Variants in CCDC102B observed in about 807,000 individuals in gnomAD.
CCDC102B encodes coiled-coil domain containing 102B.
Under a neutral mutation model 57.4 loss-of-function variants are expected in CCDC102B, and 75 were observed. The ratio of observed to expected loss-of-function variants is 1.31; its 90% confidence interval spans 1.08 to 1.58. The LOEUF is 1.58. Among genes scored for constraint, CCDC102B ranks in the 40% most tolerant of loss-of-function variants. CCDC102B has a pLI of 0.00. For synonymous variants in CCDC102B, 206 were observed against 201.9 expected (o/e 1.02, Z -0.17); for missense variants, 636 against 582.6 (o/e 1.09, Z -0.94).
chr18:68,911,897 TA>T (rs34466275), intron 6 of CCDC102B, among the ~76,000 whole-genome samples: 3 of 149,674 alleles, frequency 2.0e-5, no homozygotes, highest in East Asian at 2.0e-4. Context: ...AACAAAAAAG[TA>T]AAAAAAAAGT....
intron 6 of CCDC102B, among the ~76,000 whole-genome samples, chr18:68,956,806 G>C (rs2049912734): frequency 6.7e-6 from 1 of 150,014 alleles, no homozygotes; most frequent in South Asian, 2.1e-4. Flanking sequence ...CTGTCTTTTG[G>C]ATAAAAGCCA....
chr18:69,037,884 C>T (rs1379368181), intron 7 of CCDC102B, among the ~76,000 whole-genome samples: 2 of 151,972 alleles, frequency 1.3e-5, no homozygotes, highest in African/African-American at 2.4e-5. Flanking sequence ...ACAATAACCC[C>T]ACCTAGGTCT....
At chr18:68,923,496 T>C (rs1325760446) in intron 6 of CCDC102B, among the ~76,000 whole-genome samples, 1 of 152,052 alleles carries the variant, frequency 6.6e-6, no homozygotes, top group Non-Finnish European at 1.5e-5. Flanking sequence ...ACATAGTATG[T>C]GCAATGCCTT....
intron 7 of CCDC102B, among the ~76,000 whole-genome samples, chr18:69,049,816 AT>A (rs60818982): frequency 1.8e-4 from 27 of 147,358 alleles, no homozygotes; most frequent in Admixed American, 2.7e-4. Flanking sequence ...TTTTCATTGC[AT>A]TTTTTTTTTT....
chr18:68,765,095 T>C (rs2034383547), intron 2 of CCDC102B, among the ~76,000 whole-genome samples: 2 of 128,880 alleles, frequency 1.6e-5, no homozygotes, highest in Admixed American at 7.8e-5. Flanking sequence ...TGGTGGTGCA[T>C]GTCTGTCATC....
chr18:68,982,244 A>G (rs1646279911), intron 6 of CCDC102B, among the ~76,000 whole-genome samples: 1 of 151,962 alleles, frequency 6.6e-6, no homozygotes, highest in Non-Finnish European at 1.5e-5. Context: ...AGTGTAAAAA[A>G]AACAATGAAG....
chr18:68,718,519 G>C (rs2032151335), intron 2 of CCDC102B, among the ~76,000 whole-genome samples: 1 of 152,180 alleles, frequency 6.6e-6, no homozygotes. Context: ...TGATCTGGGT[G>C]CTGCTTACAA....
At chr18:69,030,501 G>A (rs1231240329) in intron 7 of CCDC102B, among the ~76,000 whole-genome samples, 2 of 152,134 alleles carry the variant, frequency 1.3e-5, no homozygotes, top group Admixed American at 1.3e-4. Flanking sequence ...CAAATAATAA[G>A]TTGTTCATTT....
At chr18:69,056,636 A>AG (rs1555678890), downstream of CCDC102B, among the ~76,000 whole-genome samples, 8 of 121,916 alleles carry the variant, frequency 6.6e-5, 1 homozygote, top group African/African-American at 1.7e-4. Flanking sequence ...ATAGATAGAT[A>AG]ATAGATAGAT....
intron 7 of CCDC102B, among the ~76,000 whole-genome samples, chr18:69,011,423 C>T (rs774952837): frequency 2.6e-5 from 4 of 151,308 alleles, no homozygotes; most frequent in Non-Finnish European, 4.4e-5. Flanking sequence ...ATCATTAAAG[C>T]TTGGGTGTTT....
chr18:68,719,764 C>T (rs183007109), intron 2 of CCDC102B, among the ~76,000 whole-genome samples: 11 of 152,314 alleles, frequency 7.2e-5, no homozygotes, highest in Admixed American at 1.3e-4. Context: ...ACATTAACCA[C>T]ACTGTTGTTA....
intron 7 of CCDC102B, among the ~76,000 whole-genome samples, chr18:69,014,663 A>G (rs531254593): frequency 6.6e-6 from 1 of 152,060 alleles, no homozygotes; most frequent in Admixed American, 6.5e-5. Flanking sequence ...AAGAACAGAC[A>G]TATATACTGA....
chr18:68,907,691 C>A (rs994869527), intron 6 of CCDC102B, among the ~76,000 whole-genome samples: 11 of 152,178 alleles, frequency 7.2e-5, no homozygotes, highest in African/African-American at 2.6e-4. Context: ...ATTTCTTTTT[C>A]TAGATTTGTT....
intron 6 of CCDC102B, among the ~76,000 whole-genome samples, chr18:68,928,122 T>G (rs192616292): frequency 2.0e-5 from 3 of 151,992 alleles, no homozygotes; most frequent in African/African-American, 7.2e-5. Flanking sequence ...TATACTGTAT[T>G]CAAAGGATTA....
chr18:68,848,023 A>G (rs936339769), intron 4 of CCDC102B, among the ~76,000 whole-genome samples: 13 of 151,754 alleles, frequency 8.6e-5, no homozygotes, highest in Non-Finnish European at 1.6e-4. Flanking sequence ...TTATAAAATA[A>G]GGTGAAATTT....
chr18:69,043,396 C>A (rs952075299), intron 7 of CCDC102B, among the ~76,000 whole-genome samples: 4 of 152,040 alleles, frequency 2.6e-5, no homozygotes, highest in Non-Finnish European at 5.9e-5. Context: ...CAGCACAGAC[C>A]CTTTATGGGT....
intron 2 of CCDC102B, among the ~76,000 whole-genome samples, chr18:68,732,001 A>G (rs1412791894): frequency 2.1e-5 from 3 of 143,740 alleles, no homozygotes; most frequent in Non-Finnish European, 4.6e-5. Flanking sequence ...AATACTGACT[A>G]TTTTTCTCAC....
At chr18:69,004,471 CA>C (rs1182079364) in intron 6 of CCDC102B, among the ~76,000 whole-genome samples, 1 of 151,296 alleles carries the variant, frequency 6.6e-6, no homozygotes, top group East Asian at 2.0e-4. Flanking sequence ...TCTTTGCAGC[CA>C]AGAGGAAAGA....
At chr18:68,831,579 G>A (rs1444131462) in intron 1 of CCDC102B, among the ~76,000 whole-genome samples, 1 of 152,018 alleles carries the variant, frequency 6.6e-6, no homozygotes, top group Non-Finnish European at 1.5e-5. Flanking sequence ...ATATTATTAA[G>A]TTGCCTGCTT....
Sources: gnomAD v4.1 joint callset for allele counts (sites outside exome capture counted in the v4.1 genomes callset) on GRCh38, gnomAD v4.1.1 for gene constraint, MANE v1.5 for transcripts, NCBI Gene and HGNC (gene_info 2026-07-23, HGNC 2026-07-21) for gene names.